The following AKAP6 variants were observed in gnomAD, a reference collection of about 807,000 sequenced individuals.
AKAP6 encodes the protein A-kinase anchoring protein 6, also known as A-kinase anchor protein 6.
AKAP6 carries 58 observed loss-of-function variants against 188.5 expected under a neutral mutation model. The ratio of observed to expected loss-of-function variants is 0.31; its 90% confidence interval spans 0.25 to 0.38. AKAP6 has a LOEUF of 0.38. Among genes scored for constraint, AKAP6 ranks in the 10% least tolerant of loss-of-function variants. AKAP6 has a pLI of 1.00. For missense variants in AKAP6, 2,710 were observed against 2,740.0 expected (o/e 0.99, Z 0.24); for synonymous variants, 989 against 998.6 (o/e 0.99, Z 0.18).
At chr14:32,736,937 G>T (rs141081267) in intron 11 of AKAP6, among the ~76,000 whole-genome samples, 1 of 152,194 alleles carries the variant, frequency 6.6e-6, no homozygotes, top group East Asian at 1.9e-4. Context: ...CTGTAAATTT[G>T]CTTTCATTGA....
At chr14:32,449,670 T>C (rs1392731592) in intron 2 of AKAP6, among the ~76,000 whole-genome samples, 1 of 152,198 alleles carries the variant, frequency 6.6e-6, no homozygotes, top group Non-Finnish European at 1.5e-5. Flanking sequence ...GTTTTTACTT[T>C]GAGTCATATG....
At chr14:32,819,818 C>T (rs533156373) in intron 12 of AKAP6, among the ~76,000 whole-genome samples, 16 of 151,908 alleles carry the variant, frequency 1.1e-4, no homozygotes, top group Non-Finnish European at 1.5e-4. Flanking sequence ...TACGGTGGCA[C>T]GCACCTGTAG....
chr14:32,459,810 G>C (rs1358723038), intron 2 of AKAP6, among the ~76,000 whole-genome samples: 1 of 151,030 alleles, frequency 6.6e-6, no homozygotes, highest in Non-Finnish European at 1.5e-5. Context: ...GGGAGCTAAG[G>C]GTTTAGCCAC....
chr14:32,760,985 G>A (rs867241721), intron 11 of AKAP6, among the ~76,000 whole-genome samples: 1 of 152,162 alleles, frequency 6.6e-6, no homozygotes, highest in Non-Finnish European at 1.5e-5. Flanking sequence ...CTGAAAACTG[G>A]TGAAAAGGAA....
At chr14:32,731,474 A>G (rs558757167) in intron 9 of AKAP6, among the ~76,000 whole-genome samples, 6 of 152,246 alleles carry the variant, frequency 3.9e-5, no homozygotes, top group Non-Finnish European at 7.4e-5. Flanking sequence ...ACCGTTGGTC[A>G]TGTAGGGCAA....
At chr14:32,754,626 T>C (rs1020000814) in intron 11 of AKAP6, among the ~76,000 whole-genome samples, 1 of 152,196 alleles carries the variant, frequency 6.6e-6, no homozygotes, top group African/African-American at 2.4e-5. Context: ...TTCATGTTTT[T>C]AGCATCCTTT....
intron 13 of AKAP6, among the ~76,000 whole-genome samples, chr14:32,829,186 A>G (rs983663665): frequency 1.3e-5 from 2 of 152,230 alleles, no homozygotes; most frequent in South Asian, 2.1e-4. Flanking sequence ...AGAAATTTAT[A>G]TCATAGCCAT....
intron 11 of AKAP6, among the ~76,000 whole-genome samples, chr14:32,755,135 G>T (rs565346837): frequency 6.6e-6 from 1 of 152,104 alleles, no homozygotes; most frequent in Non-Finnish European, 1.5e-5. Flanking sequence ...TCATATGCAT[G>T]CATTGGTTCA....
At chr14:32,586,439 C>G (rs1027033941) in intron 5 of AKAP6, among the ~76,000 whole-genome samples, 5 of 152,208 alleles carry the variant, frequency 3.3e-5, no homozygotes, top group African/African-American at 9.6e-5. Context: ...ACCAACCTGG[C>G]CAATATGGTG....
chr14:32,739,305 A>G (rs1386029360), intron 11 of AKAP6, among the ~76,000 whole-genome samples: 1 of 152,104 alleles, frequency 6.6e-6, no homozygotes, highest in Admixed American at 6.6e-5. Context: ...CAGACATGCA[A>G]TGGGTACTAA....
intron 7 of AKAP6, among the ~76,000 whole-genome samples, chr14:32,633,233 A>T (rs150313415): frequency 6.6e-6 from 1 of 152,242 alleles, no homozygotes; most frequent in African/African-American, 2.4e-5. Context: ...AGGCTTTTAC[A>T]TCAGAAAATA....
Position 32,733,064 on chromosome 14 carries a change from A to G in AKAP6, c.3147+464A>G, listed in dbSNP as rs146052149. On this transcript the variant is annotated intron_variant, in intron 10 of 13. Coordinates refer to ENST00000280979, the MANE Select transcript of AKAP6 (RefSeq NM_004274.5). ...TCACACTAAAGCCACCAAAACAAAGATGCAAATTTGACCCAAATCTGAATT... is the reference window on the plus strand; with the variant it reads ...TCACACTAAAGCCACCAAAACAAAGGTGCAAATTTGACCCAAATCTGAATT... 7.3e-4 allele frequency: 129 copies of G among 177,498 alleles called. 2 individuals are homozygous for G. The East Asian group carries it at 0.017, about 23-fold the overall frequency. 11.0% of individuals were successfully genotyped at this position (177,498 alleles called of 1,614,324 possible).
In AKAP6 at chr14:32,454,677, TTCCC is replaced by T. The variant is rs1400961414; in HGVS notation, c.324+20864_324+20867del. 3.6e-4 allele frequency among the ~76,000 whole-genome samples: 15 copies of T among 42,212 alleles called. 2 individuals carry two copies. The African/African-American group carries it at 3.6e-3, about 10-fold the overall frequency. The allele number at this position is 42,212 out of a possible 152,430, so 27.7% of individuals were successfully genotyped here. A position where few individuals can be genotyped will look rare whatever the true frequency, so the allele number is the denominator to read the frequency against. ...CCTCTCTCCTTCCCTCCTTCCCTCCTTCCCTCCTTCCCTCCCTCCCTCCCTCCCT... is the reference window on the plus strand; with the variant it reads ...CCTCTCTCCTTCCCTCCTTCCCTCCTTCCTTCCCTCCCTCCCTCCCTCCCT... On this transcript the variant is annotated intron_variant, in intron 2 of 13. Coordinates refer to ENST00000280979, the MANE Select transcript of AKAP6 (RefSeq NM_004274.5).
intron 8 of AKAP6, among the ~76,000 whole-genome samples, chr14:32,681,171 T>C (rs1453784924): frequency 6.6e-6 from 1 of 152,238 alleles, no homozygotes; most frequent in South Asian, 2.1e-4. Context: ...ACAATTACTT[T>C]CTGTATATTT....
chr14:32,517,273 A>T (rs1881572847), intron 2 of AKAP6, among the ~76,000 whole-genome samples: 2 of 152,234 alleles, frequency 1.3e-5, no homozygotes, highest in Admixed American at 1.3e-4. Context: ...ATTCTAGCTA[A>T]TAAATGAAAA....
intron 2 of AKAP6, among the ~76,000 whole-genome samples, chr14:32,523,472 CTTT>C (rs553132622): frequency 1.4e-5 from 2 of 142,780 alleles, no homozygotes; most frequent in Admixed American, 7.0e-5. Flanking sequence ...CTCTCTCTCT[CTTT>C]TTTTTTTTTT....
intron 8 of AKAP6, among the ~76,000 whole-genome samples, chr14:32,695,427 A>G (rs1043779399): frequency 1.2e-4 from 19 of 152,222 alleles, no homozygotes; most frequent in African/African-American, 4.3e-4. Flanking sequence ...GTCCCAGTGA[A>G]AACAGTATTT....
At chr14:32,677,335 G>A (rs990828162) in intron 7 of AKAP6, among the ~76,000 whole-genome samples, 11 of 152,106 alleles carry the variant, frequency 7.2e-5, no homozygotes, top group Non-Finnish European at 1.3e-4. Flanking sequence ...ATGGAATTCT[G>A]GCGACTACTC....
At chr14:32,453,216 T>C (rs1890995759) in intron 2 of AKAP6, among the ~76,000 whole-genome samples, 1 of 152,290 alleles carries the variant, frequency 6.6e-6, no homozygotes, top group Non-Finnish European at 1.5e-5. Flanking sequence ...ATCATCCAGC[T>C]CCACTCCTCA....
Sources: gnomAD v4.1 joint callset for allele counts (sites outside exome capture counted in the v4.1 genomes callset) on GRCh38, gnomAD v4.1.1 for gene constraint, MANE v1.5 for transcripts, NCBI Gene and HGNC (gene_info 2026-07-23, HGNC 2026-07-21) for gene names.